DLGAP3: variants seen among roughly 807,000 people sequenced by gnomAD.
The protein encoded by DLGAP3 is DLG associated protein 3.
DLGAP3 carries 17 observed loss-of-function variants against 81.2 expected under a neutral mutation model. The ratio of observed to expected loss-of-function variants is 0.21; its 90% CI spans 0.14 to 0.31. DLGAP3 has a LOEUF of 0.31. DLGAP3 is among the 10% of genes least tolerant of loss of function. The pLI is 1.00. For missense variants in DLGAP3, 1,124 were observed against 1,388.0 expected (o/e 0.81, Z 3.02); for synonymous variants, 577 against 587.4 (o/e 0.98, Z 0.26).
chr1:34,876,300 C>T (rs1226669156), intron 8 of DLGAP3, among the ~76,000 whole-genome samples: 1 of 152,248 alleles, frequency 6.6e-6, no homozygotes, highest in Admixed American at 6.5e-5. Flanking sequence ...GTCCAAAATC[C>T]TCACCCAAGA....
intron 1 of DLGAP3, among the ~76,000 whole-genome samples, chr1:34,907,946 C>T (rs565119864): frequency 4.6e-5 from 7 of 152,324 alleles, no homozygotes; most frequent in Admixed American, 4.6e-4. Flanking sequence ...CCTCAAAGCC[C>T]TCCCCCTGGC....
At chr1:34,891,476 G>A (rs1435237609) in intron 5 of DLGAP3, among the ~76,000 whole-genome samples, 1 of 152,234 alleles carries the variant, frequency 6.6e-6, no homozygotes, top group Non-Finnish European at 1.5e-5. Flanking sequence ...GACAGACCAA[G>A]GGAGTTTGAT....
chr1:34,899,818 C>T (rs1639427949), intron 4 of DLGAP3, 77 bp from the exon 5 acceptor site: 6 of 1,395,902 alleles, frequency 4.3e-6, no homozygotes, highest in Non-Finnish European at 6.1e-6. Context: ...AGCACTGGGG[C>T]CCCTGAGTAA....
rs953255138 is a variant in DLGAP3, at chr1:34,873,419, G to C, written c.2001-4330C>G. On this transcript the variant is annotated intron_variant, in intron 8 of 11. Transcript: ENST00000373347. This position sits in a 1 kb window ranked among gnomAD's most constrained non-coding sequence, Gnocchi z 4.2. ...GCCCGTGTGCTCTGGAGCCTTGCCC[G>C]GGTCCAAAACCCAGCTCGGTGGCTT... Among the ~76,000 whole-genome samples the C allele has an allele frequency of 1.3e-5, 2 of 152,190 alleles. No homozygotes were observed. The highest frequency in any genetic ancestry group is 2.9e-5 in the Non-Finnish European group (2 of 68,038).
chr1:34,882,323 A>G (rs939291533), intron 8 of DLGAP3, among the ~76,000 whole-genome samples: 4 of 152,058 alleles, frequency 2.6e-5, no homozygotes, highest in African/African-American at 9.7e-5. Flanking sequence ...CTGAAAACAC[A>G]AAAAACTAGC....
rs180733292 is a variant in DLGAP3 at position 34,900,282 on chromosome 1, A to G, written c.1108-9T>C. On this transcript the variant is annotated splice_polypyrimidine_tract_variant and intron_variant, in intron 3 of 11. Coordinates refer to ENST00000373347, the MANE Select transcript of DLGAP3 (RefSeq NM_001080418.3). This position sits in a 1 kb window ranked among gnomAD's most constrained non-coding sequence, Gnocchi z 5.6. ...CAGTCATCTTGCGGCACCTGCAGGA[A>G]CAGGGGTCTCTGTCTCTCAGACATG... 10 of 1,613,154 alleles carry G rather than the reference A, an allele frequency of 6.2e-6. No individual in the cohort carries two copies. The East Asian group carries it at 1.6e-4, about 25-fold the overall frequency.
Position 34,867,336 on chromosome 1 carries a change from C to A in DLGAP3, c.2578-145G>T. ...GGGCTGGGAGACAGGGGGACAAGAG[C>A]GAGCCCAGGACTCCCCTTCTTGTGC... On this transcript the variant is annotated intron_variant, in intron 10 of 11. Transcript: ENST00000373347. The surrounding 1 kb of genome is among the most constrained non-coding windows in gnomAD (Gnocchi z 4.3). The A allele has an allele frequency of 7.9e-7, 1 of 1,265,862 alleles. No homozygotes were observed. Among genetic ancestry groups the A allele is most frequent in the Non-Finnish European group, 1.1e-6 (1 of 875,680 alleles). The allele number at this position is 1,265,862 out of a possible 1,614,324, so 78.4% of individuals were successfully genotyped here.
At chr1:34,921,868 C>T (rs1639801145) in intron 1 of DLGAP3, among the ~76,000 whole-genome samples, 1 of 152,178 alleles carries the variant, frequency 6.6e-6, no homozygotes, top group African/African-American at 2.4e-5. Context: ...TTGGTATAGA[C>T]ACTCCTGTAG....
chr1:34,877,314 T>C (rs112038616), intron 8 of DLGAP3, among the ~76,000 whole-genome samples: 157 of 152,292 alleles, frequency 1.0e-3, no homozygotes, highest in African/African-American at 3.6e-3. Context: ...GATGCAGGAA[T>C]GTGGCCTGGA....
Position 34,865,478 on chromosome 1 carries a change from T to G in DLGAP3, c.*605A>C. Reference sequence around the variant, plus strand: ...ATTTTTCCTGGGATATTCAAGGGGATGTGGGAACAGCCACAGGTGTGGTGA... The same window carrying G: ...ATTTTTCCTGGGATATTCAAGGGGAGGTGGGAACAGCCACAGGTGTGGTGA... On this transcript the variant is annotated 3_prime_UTR_variant, in exon 12 of 12. Transcript: ENST00000373347. 6.3e-6 allele frequency: 1 copy of G among 158,802 alleles called. No homozygotes were observed. The highest frequency in any genetic ancestry group is 1.4e-5 in the Non-Finnish European group (1 of 71,710). 9.8% of individuals were successfully genotyped at this position (158,802 alleles called of 1,614,324 possible).
At chr1:34,915,129 A>T (rs911994758) in intron 1 of DLGAP3, among the ~76,000 whole-genome samples, 1 of 152,058 alleles carries the variant, frequency 6.6e-6, no homozygotes, top group African/African-American at 2.4e-5. Context: ...TTATGTCACA[A>T]CCTACCTTTA....
At position 34,885,769 on chromosome 1, in the gene DLGAP3, CG is replaced by C; in HGVS notation, c.1622del (p.Pro541ArgfsTer137). ...PGSSFNFRKA[P>X]PPIPPGSQAP... ...CCTGGCTTCCCGGCGGGATGGGGGGCGGGGCCTTTCTGAAGTTGAAGGCTGT... is the reference window on the plus strand; with the variant it reads ...CCTGGCTTCCCGGCGGGATGGGGGGCGGGCCTTTCTGAAGTTGAAGGCTGT... On this transcript the variant is annotated frameshift_variant, in exon 7 of 12. Transcript: ENST00000373347. LOFTEE classifies it high-confidence loss of function. The C allele has an allele frequency of 7.1e-7, 1 of 1,409,474 alleles. No homozygotes were observed. The allele number at this position is 1,409,474 out of a possible 1,614,324, so 87.3% of individuals were successfully genotyped here. A position where few individuals can be genotyped will look rare whatever the true frequency, so the allele number is the denominator to read the frequency against.
intron 8 of DLGAP3, among the ~76,000 whole-genome samples, chr1:34,883,086 C>A (rs1639168855): frequency 6.6e-6 from 1 of 152,170 alleles, no homozygotes; most frequent in South Asian, 2.1e-4. Context: ...CTTTCATATT[C>A]CTACATAATA....
At chr1:34,886,428 T>A in intron 5 of DLGAP3, 143 bp from the exon 6 acceptor site, 3 of 827,818 alleles carry the variant, frequency 3.6e-6, no homozygotes, top group South Asian at 2.0e-5. Flanking sequence ...AAAGAAACTC[T>A]AACTCTTTGC....
rs1174611215 is a variant in DLGAP3 at position 34,885,643 on chromosome 1, G to A, written c.1749C>T (p.Asp583=). 1 of 1,483,158 alleles carries A rather than the reference G, an allele frequency of 6.7e-7. No homozygotes were observed. The highest frequency in any genetic ancestry group is 2.4e-5 in the Admixed American group (1 of 42,530). The allele number at this position is 1,483,158 out of a possible 1,614,324, so 91.9% of individuals were successfully genotyped here. A position where few individuals can be genotyped will look rare whatever the true frequency, so the allele number is the denominator to read the frequency against. ...EGPARRCSSA[D]GLDGPAMGAR... is the part of the protein sequence containing the mutation. ...CACCCATGGCGGGGCCGTCCAGCCC[G>A]TCGGCGGAGCTGCAGCGCCGGGCGG... The change falls in exon 7 of 12, where the codon GAC becomes GAT. Residue 583 remains aspartate, a synonymous_variant. Transcript: ENST00000373347.
Position 34,904,310 on chromosome 1 carries a change from G to C in DLGAP3, c.1074C>G (p.Thr358=), listed in dbSNP as rs772176584. ...AGTGATAAGTCCTGGCTTTGGCCTT[G>C]GTCTCCGGACCCAGGAGCCCCTTGC... is the stretch of plus-strand genomic sequence containing the variant. ...GPGKGLLGPE[T]KAKARTYHYL... Residue 358 remains threonine (T), a synonymous_variant, in exon 3 of 12, where the codon ACC becomes ACG. Transcript: ENST00000373347. The surrounding 1 kb of genome is among the most constrained non-coding windows in gnomAD (Gnocchi z 8.1). 1 of 1,608,352 alleles carries C rather than the reference G, an allele frequency of 6.2e-7. No homozygotes were observed. Among genetic ancestry groups the C allele is most frequent in the East Asian group, 2.2e-5 (1 of 44,884 alleles).
chr1:34,900,022 G>T lies in DLGAP3; in HGVS notation c.1313+46C>A. 1 of 1,522,898 alleles carries T rather than the reference G, an allele frequency of 6.6e-7. No homozygotes were observed. 94.3% of individuals were successfully genotyped at this position (1,522,898 alleles called of 1,614,324 possible). A position where few individuals can be genotyped will look rare whatever the true frequency, so the allele number is the denominator to read the frequency against. On this transcript the variant is annotated intron_variant, in intron 4 of 11. Coordinates refer to ENST00000373347, the MANE Select transcript of DLGAP3 (RefSeq NM_001080418.3). This position sits in a 1 kb window ranked among gnomAD's most constrained non-coding sequence, Gnocchi z 5.6. ...TACACACATCTCCCGCAGGAGTCCA[G>T]CATCAGCCTCCTGACCCCGCACCCC...
rs779769943 is a variant in DLGAP3, at chr1:34,885,556, G to A, written c.1836C>T (p.Ile612=). 2 of 1,608,158 alleles carry A rather than the reference G, an allele frequency of 1.2e-6. No homozygotes were observed. Among genetic ancestry groups the A allele is most frequent in the Non-Finnish European group, 1.7e-6 (2 of 1,179,702 alleles). The change falls in exon 7 of 12, where the codon ATC becomes ATT. Residue 612 remains isoleucine (I), a synonymous_variant. Coordinates refer to ENST00000373347, the MANE Select transcript of DLGAP3 (RefSeq NM_001080418.3). The part of the protein sequence containing the change: ...PRASPKPPTL[I]IKTIPGREEL... ...CCTCCCTGCCAGGGATGGTCTTGAT[G>A]ATGAGTGTGGGGGGCTTGGGGCTGG...
At chr1:34,916,328 C>G (rs941908088) in intron 1 of DLGAP3, among the ~76,000 whole-genome samples, 7 of 152,240 alleles carry the variant, frequency 4.6e-5, no homozygotes, top group Non-Finnish European at 8.8e-5. Flanking sequence ...AGAGTGCATT[C>G]AAGCACTGAA....
Sources: gnomAD v4.1 joint callset for allele counts (sites outside exome capture counted in the v4.1 genomes callset) on GRCh38, gnomAD v4.1.1 for gene constraint, Gnocchi (gnomAD v3.1) non-coding constraint, MANE v1.5 for transcripts, NCBI Gene and HGNC (gene_info 2026-07-23, HGNC 2026-07-21) for gene names.